Variants in MDFIC2 observed in about 807,000 individuals in gnomAD.
MDFIC2 encodes MyoD family inhibitor domain containing 2.
intron 2 of MDFIC2, among the ~76,000 whole-genome samples, chr3:70,264,354 T>G (rs1559548478): frequency 1.3e-5 from 2 of 152,170 alleles, no homozygotes; most frequent in Non-Finnish European, 2.9e-5. Flanking sequence ...CTGCTCTTGT[T>G]TAGTCTTCTA....
chr3:70,268,029 TCTCCTC>T (rs201481273), intron 2 of MDFIC2, among the ~76,000 whole-genome samples: 10 of 149,448 alleles, frequency 6.7e-5, no homozygotes, highest in Middle Eastern at 3.4e-3. Context: ...TCTTCCTCTT[TCTCCTC>T]CTCCTCCTCC....
chr3:70,288,816 G>A (rs1207727272), intron 2 of MDFIC2, among the ~76,000 whole-genome samples: 1 of 151,588 alleles, frequency 6.6e-6, no homozygotes, highest in Non-Finnish European at 1.5e-5. Flanking sequence ...TTATGTAATG[G>A]CCTTCTTTGT....
intron 2 of MDFIC2, among the ~76,000 whole-genome samples, chr3:70,301,735 AG>A (rs1702350607): frequency 6.6e-6 from 1 of 152,102 alleles, no homozygotes; most frequent in Non-Finnish European, 1.5e-5. Context: ...TTAATTCTCA[AG>A]AAGATTTATT....
chr3:70,238,253 G>A (rs1231914706), intron 2 of MDFIC2, among the ~76,000 whole-genome samples: 2 of 151,740 alleles, frequency 1.3e-5, no homozygotes, highest in Non-Finnish European at 2.9e-5. Flanking sequence ...CTCCTTCTAT[G>A]TAAGGTGTAA....
intron 2 of MDFIC2, among the ~76,000 whole-genome samples, chr3:70,207,267 A>G (rs1235740552): frequency 1.3e-5 from 2 of 152,068 alleles, no homozygotes; most frequent in South Asian, 2.1e-4. Context: ...AAAAAGAAAA[A>G]TGCATATAAA....
At chr3:70,200,343 C>T (rs1189468101) in intron 3 of MDFIC2, among the ~76,000 whole-genome samples, 1 of 152,192 alleles carries the variant, frequency 6.6e-6, no homozygotes, top group African/African-American at 2.4e-5. Context: ...CCTACAAGCC[C>T]TTGCATGATT....
chr3:70,310,757 C>T (rs1418864469), intron 2 of MDFIC2, among the ~76,000 whole-genome samples: 1 of 152,110 alleles, frequency 6.6e-6, no homozygotes, highest in Non-Finnish European at 1.5e-5. Flanking sequence ...GTGTTGATTT[C>T]AACACTGTAG....
At chr3:70,253,347 G>A (rs1288412739) in intron 2 of MDFIC2, among the ~76,000 whole-genome samples, 1 of 152,158 alleles carries the variant, frequency 6.6e-6, no homozygotes, top group African/African-American at 2.4e-5. Flanking sequence ...TGGAGTCCAA[G>A]GTGGGGGATA....
rs182944637 is a variant in MDFIC2, at chr3:70,283,675, A to G, written c.88+28211T>C. ...CTTTTGGAGCTATTTTCACAATAAC[A>G]TTTGGGTTTGGATGACTGCATTTCA... On this transcript the variant is annotated intron_variant, in intron 2 of 3. Coordinates refer to ENST00000567252, the MANE Select transcript of MDFIC2 (RefSeq NM_001364677.1). 2.0e-5 allele frequency: 3 copies of G among 151,996 alleles called. No homozygotes were observed. In the East Asian group the frequency reaches 5.8e-4, roughly 30 times the overall value. The allele number at this position is 151,996 out of a possible 1,614,324, so 9.4% of individuals were successfully genotyped here. A position where few individuals can be genotyped will look rare whatever the true frequency, so the allele number is the denominator to read the frequency against.
chr3:70,269,735 A>G (rs925358298), intron 2 of MDFIC2, among the ~76,000 whole-genome samples: 1 of 152,224 alleles, frequency 6.6e-6, no homozygotes, highest in African/African-American at 2.4e-5. Context: ...AACTGTTTTA[A>G]AAAATGCCTA....
chr3:70,290,162 T>G (rs1010212805), intron 2 of MDFIC2, among the ~76,000 whole-genome samples: 38 of 152,224 alleles, frequency 2.5e-4, no homozygotes, highest in African/African-American at 9.1e-4. Flanking sequence ...CCAGTTTTTC[T>G]GTTCTGTTTT....
chr3:70,311,891 T>G lies in MDFIC2; in HGVS notation c.83A>C (p.Lys28Thr), dbSNP rs1702457043. Reference protein sequence around the residue: ...ENDKNNISWLKEDTQLTNAKH... With the variant: ...ENDKNNISWLTEDTQLTNAKH... ...TCAAGAGCAAGAAGACTTACCTTCT[T>G]TCAACCAAGAAATGTTATTTTTATC... is the stretch of plus-strand genomic sequence containing the variant. Residue 28 changes from lysine to threonine, a missense_variant, in exon 2 of 4, where the codon AAA (lysine) becomes ACA (threonine). Transcript: ENST00000567252. 1 of 397,694 alleles carries G rather than the reference T, an allele frequency of 2.5e-6. No individual in the cohort carries two copies. Among genetic ancestry groups the G allele is most frequent in the Non-Finnish European group, 4.4e-6 (1 of 225,598 alleles). 24.6% of individuals were successfully genotyped at this position (397,694 alleles called of 1,614,324 possible). A position where few individuals can be genotyped will look rare whatever the true frequency, so the allele number is the denominator to read the frequency against.
At chr3:70,288,577 A>G (rs9882225) in intron 2 of MDFIC2, among the ~76,000 whole-genome samples, 50,933 of 138,640 alleles carry the variant, frequency 0.37, 9,970 homozygotes, top group South Asian at 0.51. Flanking sequence ...TATTAGGTCC[A>G]CTTGCTGCAG....
intron 2 of MDFIC2, among the ~76,000 whole-genome samples, chr3:70,264,914 T>C (rs1701901852): frequency 6.6e-6 from 1 of 152,188 alleles, no homozygotes; most frequent in South Asian, 2.1e-4. Flanking sequence ...TGACTCATAG[T>C]TCCACATGGC....
chr3:70,283,892 A>G (rs184123574), intron 2 of MDFIC2: 54 of 152,268 alleles, frequency 3.5e-4, no homozygotes, highest in African/African-American at 1.3e-3. Flanking sequence ...AAATGTCAAT[A>G]ATCAAGTATT....
intron 3 of MDFIC2, among the ~76,000 whole-genome samples, chr3:70,199,002 T>C (rs1389163260): frequency 1.3e-5 from 2 of 152,210 alleles, no homozygotes; most frequent in Non-Finnish European, 2.9e-5. Flanking sequence ...ACCACTACTA[T>C]AGCAGTGGCT....
At chr3:70,221,838 G>A (rs1701463146) in intron 2 of MDFIC2, among the ~76,000 whole-genome samples, 1 of 152,044 alleles carries the variant, frequency 6.6e-6, no homozygotes, top group African/African-American at 2.4e-5. Flanking sequence ...TTTTGGCTGG[G>A]GCAAAAGTAA....
In MDFIC2 at chr3:70,206,589, A is replaced by C. The variant is rs1701292726; in HGVS notation, c.290T>G (p.Val97Gly). Residue 97 changes from valine to glycine, a missense_variant, in exon 3 of 4, where the codon GTT becomes GGT. Transcript: ENST00000567252. ...CATACCATCAGTGTCTCTGTGATGA[A>C]CTGAAGTATCAGTTTGGAGGTAAGA... is the stretch of plus-strand genomic sequence containing the variant. ...TFSYLQTDTSVHHRDTDEECA... is the reference protein window; with the variant it reads ...TFSYLQTDTSGHHRDTDEECA... The C allele has an allele frequency of 5.0e-6, 2 of 397,740 alleles. No individual in the cohort carries two copies. Among genetic ancestry groups the C allele is most frequent in the African/African-American group, 4.1e-5 (2 of 48,654 alleles). 24.6% of individuals were successfully genotyped at this position (397,740 alleles called of 1,614,324 possible).
At chr3:70,254,037 T>C (rs1443777235) in intron 2 of MDFIC2, among the ~76,000 whole-genome samples, 2 of 152,358 alleles carry the variant, frequency 1.3e-5, no homozygotes, top group Non-Finnish European at 2.9e-5. Flanking sequence ...TATGAATCTG[T>C]ACAGTTTGAT....
Sources: gnomAD v4.1 joint callset for allele counts (sites outside exome capture counted in the v4.1 genomes callset) on GRCh38, gnomAD v4.1.1 for gene constraint, MANE v1.5 for transcripts, NCBI Gene and HGNC (gene_info 2026-07-23, HGNC 2026-07-21) for gene names.